Variants in PRLR observed in about 807,000 individuals in gnomAD.
The protein encoded by PRLR is hPRL receptor.
Under a neutral mutation model 40.2 loss-of-function variants are expected in PRLR, and 13 were observed. The ratio of observed to expected loss-of-function variants is 0.32; its 90% CI spans 0.21 to 0.51. The LOEUF (loss-of-function observed/expected upper bound fraction) is 0.51, where lower values mean the gene tolerates loss of function less well. Ranked by LOEUF, PRLR falls within the 20% of genes least tolerant of loss-of-function variation. The pLI, the probability that PRLR is intolerant of heterozygous loss-of-function variation, is 0.97. For missense variants in PRLR, 656 were observed against 747.3 expected (o/e 0.88, Z 1.42); for synonymous variants, 269 against 278.7 (o/e 0.97, Z 0.35).
intron 2 of PRLR, among the ~76,000 whole-genome samples, chr5:35,094,054 G>A (rs1364228827): frequency 6.6e-6 from 1 of 152,146 alleles, no homozygotes; most frequent in East Asian, 1.9e-4. Flanking sequence ...ATCATGAAGC[G>A]ACACTTATGA....
At chr5:35,219,029 T>C (rs1579814397) in intron 1 of PRLR, among the ~76,000 whole-genome samples, 1 of 151,904 alleles carries the variant, frequency 6.6e-6, no homozygotes, top group Non-Finnish European at 1.5e-5. Context: ...GGCGGCGGGG[T>C]GGGGGGTGGT....
chr5:35,113,573 C>T (rs1772830751), intron 2 of PRLR, among the ~76,000 whole-genome samples: 2 of 152,322 alleles, frequency 1.3e-5, no homozygotes, highest in Middle Eastern at 3.4e-3. Context: ...ACCACCCACC[C>T]ATCTGTTAAT....
At chr5:35,049,411 G>A (rs1367856645) in intron 8 of PRLR, 4 of 702,828 alleles carry the variant, frequency 5.7e-6, no homozygotes, top group Non-Finnish European at 1.0e-5. Context: ...GGGGTCACCT[G>A]GAGTGGGGAA....
intron 1 of PRLR, among the ~76,000 whole-genome samples, chr5:35,148,563 T>G (rs1774251749): frequency 1.3e-5 from 2 of 152,190 alleles, no homozygotes; most frequent in Non-Finnish European, 2.9e-5. Flanking sequence ...GGACAAACTT[T>G]CATTTTAGAA....
rs35912961 is a variant in PRLR, at chr5:35,100,183, C to CAAA, written c.-43-10523_-43-10521dup. Among the ~76,000 whole-genome samples the CAAA allele has an allele frequency of 8.3e-4, 54 of 65,028 alleles. 1 individual carries two copies. The East Asian group carries it at 0.014, about 17-fold the overall frequency. 42.7% of individuals were successfully genotyped at this position (65,028 alleles called of 152,430 possible). On this transcript the variant is annotated intron_variant, in intron 2 of 9. Coordinates refer to ENST00000618457, the MANE Select transcript of PRLR (RefSeq NM_000949.7). Reference sequence around the variant, plus strand: ...TGGGCGACAGGGCGAGACTCTGTCTCAAAAAAAAAAAAAAAAAAAGTCAAA... The same window carrying CAAA: ...TGGGCGACAGGGCGAGACTCTGTCTCAAAAAAAAAAAAAAAAAAAAAAGTCAAA...
intron 1 of PRLR, among the ~76,000 whole-genome samples, chr5:35,159,337 A>G (rs75579641): frequency 6.8e-6 from 1 of 146,242 alleles, no homozygotes; most frequent in Non-Finnish European, 1.5e-5. Context: ...AAAAAAAAAA[A>G]GGAAATAAAC....
intron 1 of PRLR, among the ~76,000 whole-genome samples, chr5:35,152,433 G>A (rs534246708): frequency 1.4e-5 from 2 of 139,002 alleles, no homozygotes; most frequent in Non-Finnish European, 1.6e-5. Flanking sequence ...TTGCCATGTA[G>A]GTTGAGAGAC....
rs749199587 is a variant in PRLR at position 35,065,232 on chromosome 5, C to T, written c.1726G>A (p.Ala576Thr). Residue 576 changes from alanine to threonine, a missense_variant, in exon 10 of 10, where the codon GCC becomes ACC. Transcript: ENST00000618457. ...TCAAGTGATGGTGGGGCCTCTTTGG[C>T]TGATTCTTCAAAGCAAGCCACGTTT... ...AKNVACFEES[A>T]KEAPPSLEQN... 10 of 1,613,984 alleles carry T rather than the reference C, an allele frequency of 6.2e-6. No homozygotes were observed. In the East Asian group the frequency reaches 2.0e-4, roughly 32 times the overall value.
intron 1 of PRLR, among the ~76,000 whole-genome samples, chr5:35,158,246 T>G (rs1257151606): frequency 6.6e-6 from 1 of 152,200 alleles, no homozygotes; most frequent in Non-Finnish European, 1.5e-5. Flanking sequence ...TTATATGTTG[T>G]CTTCCTGAAC....
At chr5:35,165,773 T>C (rs1774805189) in intron 1 of PRLR, among the ~76,000 whole-genome samples, 1 of 152,232 alleles carries the variant, frequency 6.6e-6, no homozygotes, top group African/African-American at 2.4e-5. Context: ...ATTTGTCTTA[T>C]AAACCTTTAT....
At chr5:35,163,729 T>A (rs1033517434) in intron 1 of PRLR, among the ~76,000 whole-genome samples, 4 of 152,274 alleles carry the variant, frequency 2.6e-5, no homozygotes, top group African/African-American at 7.2e-5. Context: ...GGAAGGCTTA[T>A]GTTAATTTCT....
chr5:35,137,036 G>A (rs1773880065), intron 1 of PRLR, among the ~76,000 whole-genome samples: 3 of 151,884 alleles, frequency 2.0e-5, no homozygotes, highest in Admixed American at 2.0e-4. Context: ...AAAAGAAAAA[G>A]TGATGCTTCA....
chr5:35,158,778 A>C (rs1774586025), intron 1 of PRLR, among the ~76,000 whole-genome samples: 1 of 152,062 alleles, frequency 6.6e-6, no homozygotes, highest in South Asian at 2.1e-4. Context: ...GGAACTTAGG[A>C]GCCTGGAAAG....
chr5:35,109,699 T>C (rs1232789826), intron 2 of PRLR, among the ~76,000 whole-genome samples: 1 of 152,106 alleles, frequency 6.6e-6, no homozygotes, highest in African/African-American at 2.4e-5. Context: ...ATGGCAATCA[T>C]TAAAAAGCCA....
intron 3 of PRLR, among the ~76,000 whole-genome samples, chr5:35,087,649 G>T (rs547250727): frequency 6.6e-6 from 1 of 152,206 alleles, no homozygotes; most frequent in South Asian, 2.1e-4. Context: ...GCTGTACCCA[G>T]TTCCAGACTG....
chr5:35,179,864 G>A (rs893726695), intron 1 of PRLR, among the ~76,000 whole-genome samples: 21 of 152,132 alleles, frequency 1.4e-4, no homozygotes, highest in Non-Finnish European at 5.9e-5. Flanking sequence ...GGACTGGGAC[G>A]GGGCAGAGAG....
At position 35,064,914 on chromosome 5, in the gene PRLR, G is replaced by T; in HGVS notation, c.*175C>A. 1 of 670,882 alleles carries T rather than the reference G, an allele frequency of 1.5e-6. No individual in the cohort carries two copies. The highest frequency in any genetic ancestry group is 2.8e-5 in the East Asian group (1 of 36,152). 41.6% of individuals were successfully genotyped at this position (670,882 alleles called of 1,614,324 possible). On this transcript the variant is annotated 3_prime_UTR_variant, in exon 10 of 10. Transcript: ENST00000618457. ...ACAAATCACAGTTAGGAAACATAATGATTTGTTCTGGAATCAGCTGCTGGA... is the reference window on the plus strand; with the variant it reads ...ACAAATCACAGTTAGGAAACATAATTATTTGTTCTGGAATCAGCTGCTGGA...
At chr5:35,139,477 C>A (rs13182185) in intron 1 of PRLR, among the ~76,000 whole-genome samples, 31,671 of 151,842 alleles carry the variant, frequency 0.21, 5,968 homozygotes, top group African/African-American at 0.5. Flanking sequence ...CAATTATAAA[C>A]AAAGAAAAAA....
At chr5:35,114,479 G>C (rs1336856454) in intron 2 of PRLR, among the ~76,000 whole-genome samples, 1 of 152,152 alleles carries the variant, frequency 6.6e-6, no homozygotes, top group Non-Finnish European at 1.5e-5. Context: ...TCATCAGTTG[G>C]GGTTACAATT....
Sources: allele counts gnomAD v4.1 joint callset (sites outside exome capture counted in the v4.1 genomes callset), GRCh38; gene constraint gnomAD v4.1.1; transcripts MANE v1.5; gene names NCBI Gene and HGNC (gene_info 2026-07-23, HGNC 2026-07-21).